The following SIK3 variants were observed in gnomAD, a reference collection of about 807,000 sequenced individuals.
SIK3 encodes SIK family kinase 3, also known as serine/threonine-protein kinase SIK3.
SIK3 carries 28 observed loss-of-function variants against 144.2 expected under a neutral mutation model. The ratio of observed to expected loss-of-function variants is 0.19; its 90% CI spans 0.14 to 0.27. The LOEUF is 0.27. Among genes scored for constraint, SIK3 ranks in the 10% least tolerant of loss-of-function variants. SIK3 has a pLI of 1.00. For missense variants in SIK3, 1,319 were observed against 1,776.0 expected (o/e 0.74, Z 4.62); for synonymous variants, 686 against 676.3 (o/e 1.01, Z -0.22).
At chr11:116,984,130 G>C (rs1950248022) in intron 1 of SIK3, among the ~76,000 whole-genome samples, 1 of 151,592 alleles carries the variant, frequency 6.6e-6, no homozygotes, top group Admixed American at 6.6e-5. Flanking sequence ...TGGGGGAAAA[G>C]GGATCTGTAA....
At chr11:116,863,031 G>A (rs951138713) in intron 16 of SIK3, among the ~76,000 whole-genome samples, 2 of 151,004 alleles carry the variant, frequency 1.3e-5, no homozygotes, top group African/African-American at 4.9e-5. Context: ...CTGAGATTGT[G>A]CCACTGCACT....
intron 3 of SIK3, among the ~76,000 whole-genome samples, chr11:116,939,939 G>A (rs61907602): frequency 2.0e-5 from 3 of 152,108 alleles, no homozygotes; most frequent in Admixed American, 6.5e-5. Context: ...TTCTTGCATC[G>A]TAATTTGTAC....
intron 3 of SIK3, among the ~76,000 whole-genome samples, chr11:116,945,176 T>G (rs11216196): frequency 0.073 from 11,030 of 151,678 alleles, 481 homozygotes; most frequent in Middle Eastern, 0.11. Context: ...AGCCAGGATG[T>G]TCTCAATCTC....
intron 9 of SIK3, 35 bp from the exon 10 acceptor site, chr11:116,875,486 T>C: frequency 6.3e-7 from 1 of 1,591,158 alleles, no homozygotes; most frequent in Non-Finnish European, 8.6e-7. Flanking sequence ...ACGCATACCT[T>C]TAACACTAGA....
intron 6 of SIK3, among the ~76,000 whole-genome samples, chr11:116,894,852 A>G (rs1352643862): frequency 6.6e-6 from 1 of 152,172 alleles, no homozygotes; most frequent in African/African-American, 2.4e-5. Flanking sequence ...TCTTATCTGG[A>G]CTATTGTAAA....
Position 116,896,277 on chromosome 11 carries a change from G to C in SIK3, c.841C>G (p.Arg281Gly). 1 of 1,613,794 alleles carries C rather than the reference G, an allele frequency of 6.2e-7. No individual in the cohort carries two copies. The highest frequency in any genetic ancestry group is 8.5e-7 in the Non-Finnish European group (1 of 1,179,788). ...LRARVLSGKF[R>G]IPFFMSTECE... ...CCTGTGGACATAAAAAATGGGATGC[G>C]GAACTTTCCACTCAGCACGCGGGCC... Residue 281 changes from arginine to glycine, a missense_variant, in exon 6 of 25, where the codon CGC (arginine) becomes GGC (glycine). By Grantham distance (125) the Arg-to-Gly change is moderately radical. Coordinates refer to ENST00000445177, the MANE Select transcript of SIK3 (RefSeq NM_001366686.3).
intron 1 of SIK3, among the ~76,000 whole-genome samples, chr11:116,970,120 A>G (rs1032978857): frequency 2.0e-5 from 3 of 152,156 alleles, no homozygotes; most frequent in African/African-American, 7.2e-5. Context: ...TACAAAAAAA[A>G]TTTCAAATTG....
At chr11:116,932,037 T>C (rs562128155) in intron 3 of SIK3, among the ~76,000 whole-genome samples, 62 of 152,340 alleles carry the variant, frequency 4.1e-4, no homozygotes, top group African/African-American at 1.4e-3. Flanking sequence ...AAAACTTTTA[T>C]GGCATCTTTC....
intron 1 of SIK3, among the ~76,000 whole-genome samples, chr11:117,013,959 C>CTTTTTTT (rs1232857124): frequency 1.3e-3 from 11 of 8,246 alleles, no homozygotes; most frequent in African/African-American, 3.2e-3. Context: ...TGTTTTATTT[C>CTTTTTTT]TTTTTTTCTT....
intron 4 of SIK3, among the ~76,000 whole-genome samples, chr11:116,911,241 C>A (rs1469811850): frequency 6.6e-6 from 1 of 152,240 alleles, no homozygotes; most frequent in Non-Finnish European, 1.5e-5. Flanking sequence ...GGTGCAGTGG[C>A]TCATGCCTGT....
chr11:116,873,730 A>G lies in SIK3; in HGVS notation c.1582-94T>C. ...CTCATCTATGGAAATTAAGGGAGCC[A>G]TGGGTCATGACAGAGACTAGAGGAC... is the stretch of plus-strand genomic sequence containing the variant. On this transcript the variant is annotated intron_variant, in intron 12 of 24. Coordinates refer to ENST00000445177, the MANE Select transcript of SIK3 (RefSeq NM_001366686.3). The G allele has an allele frequency of 2.7e-6, 4 of 1,483,808 alleles. No individual in the cohort carries two copies. The South Asian group carries it at 5.4e-5, about 20-fold the overall frequency. 91.9% of individuals were successfully genotyped at this position (1,483,808 alleles called of 1,614,324 possible).
intron 1 of SIK3, among the ~76,000 whole-genome samples, chr11:117,086,272 CAT>C (rs1485392863): frequency 1.3e-5 from 2 of 152,224 alleles, no homozygotes; most frequent in East Asian, 3.8e-4. Context: ...CATATTTATT[CAT>C]ATAACTTTCT....
At chr11:116,861,515 T>C (rs80026097) in intron 18 of SIK3, 132 bp from the exon 19 acceptor site, 16,936 of 673,382 alleles carry the variant, frequency 0.025, 303 homozygotes, top group South Asian at 0.028. Flanking sequence ...TAGAAAAATA[T>C]ACATAAGCCA....
intron 13 of SIK3, among the ~76,000 whole-genome samples, chr11:116,870,775 G>T (rs1943928584): frequency 6.6e-6 from 1 of 152,090 alleles, no homozygotes; most frequent in South Asian, 2.1e-4. Flanking sequence ...TTCTAATGGG[G>T]GTGTTTGGGA....
intron 1 of SIK3, among the ~76,000 whole-genome samples, chr11:117,045,068 G>A (rs891313971): frequency 6.6e-6 from 1 of 152,154 alleles, no homozygotes; most frequent in Non-Finnish European, 1.5e-5. Flanking sequence ...ATTTGCAGAT[G>A]TTAAACCATC....
In SIK3 at chr11:116,858,622, C is replaced by T. The variant is rs759059960; in HGVS notation, c.2843G>A (p.Arg948Gln). 9 of 1,605,696 alleles carry T rather than the reference C, an allele frequency of 5.6e-6. No individual in the cohort carries two copies. The highest frequency in any genetic ancestry group is 3.3e-5 in the South Asian group (3 of 89,938). The change falls in exon 21 of 25, where the codon CGG becomes CAG. Residue 948 changes from arginine (R) to glutamine (Q), a missense_variant. Arg to Gln is a conservative substitution (Grantham distance 43). Transcript: ENST00000445177. The surrounding 1 kb of genome is among the most constrained non-coding windows in gnomAD (Gnocchi z 5.4). ...LHPHLFSDQS[R>Q]GSPSSYSPST... The stretch of plus-strand genomic sequence containing the variant: ...AGGGCTGTAGCTGCTGGGGGAACCC[C>T]GGGACTGGTCCGAAAACAGATGGGG...
chr11:116,896,152 G>A, intron 6 of SIK3, 101 bp downstream of exon 6: 8 of 1,501,764 alleles, frequency 5.3e-6, no homozygotes, highest in Non-Finnish European at 7.3e-6. Flanking sequence ...AAAAAAGGTT[G>A]TAAGTGGGCC....
chr11:116,874,690 T>C (rs563875858), intron 11 of SIK3, among the ~76,000 whole-genome samples: 1 of 152,314 alleles, frequency 6.6e-6, no homozygotes, highest in South Asian at 2.1e-4. Flanking sequence ...GGAGTCTTTT[T>C]TGGAAATTCA....
In SIK3 at chr11:116,846,702, A is replaced by C. The variant is rs1941991514; in HGVS notation, c.3953-149T>G. 1.2e-6 allele frequency: 1 copy of C among 835,654 alleles called. No individual in the cohort carries two copies. Among genetic ancestry groups the C allele is most frequent in the South Asian group, 1.7e-5 (1 of 57,554 alleles). The allele number at this position is 835,654 out of a possible 1,614,324, so 51.8% of individuals were successfully genotyped here. On this transcript the variant is annotated intron_variant, in intron 23 of 24. Coordinates refer to ENST00000445177, the MANE Select transcript of SIK3 (RefSeq NM_001366686.3). This position sits in a 1 kb window ranked among gnomAD's most constrained non-coding sequence, Gnocchi z 4.1. ...AATTCTAGCTCACAGCAGGCCCTCA[A>C]GGTGTTGAGTGACGATGGGCGGGGG... is the stretch of plus-strand genomic sequence containing the variant.
Sources: allele counts gnomAD v4.1 joint callset (sites outside exome capture counted in the v4.1 genomes callset), GRCh38; gene constraint gnomAD v4.1.1; non-coding constraint Gnocchi (gnomAD v3.1); transcripts MANE v1.5; gene names NCBI Gene and HGNC (gene_info 2026-07-23, HGNC 2026-07-21).